RARA: variants seen among roughly 807,000 people sequenced by gnomAD.
RARA encodes the protein PML-DDX5-RARA fusion.
A neutral mutation model predicts 42.8 loss-of-function variants in RARA; 5 were observed. The ratio of observed to expected loss-of-function variants is 0.12; its 90% CI spans 0.06 to 0.25. RARA has a LOEUF of 0.25. Among genes scored for constraint, RARA ranks in the 10% least tolerant of loss-of-function variants. The pLI is 1.00. For synonymous variants in RARA, 256 were observed against 259.5 expected (o/e 0.99, Z 0.13); for missense variants, 402 against 628.7 (o/e 0.64, Z 3.86).
At chr17:40,350,087 GGA>G in intron 4 of RARA, 162 bp downstream of exon 4, 1 of 1,146,928 alleles carries the variant, frequency 8.7e-7, no homozygotes, top group Non-Finnish European at 1.2e-6. Flanking sequence ...GTAGCTGCAA[GGA>G]CCTGTTTGCG....
intron 1 of RARA, among the ~76,000 whole-genome samples, chr17:40,325,880 C>A (rs1277549644): frequency 6.6e-6 from 1 of 152,182 alleles, no homozygotes; most frequent in Admixed American, 6.5e-5. Flanking sequence ...GAGGTTGGGG[C>A]CAGTCCCGGC....
rs1173281539 is a variant in RARA at position 40,352,287 on chromosome 17, G to A, written c.631-44G>A. 1 of 1,555,266 alleles carries A rather than the reference G, an allele frequency of 6.4e-7. No homozygotes were observed. The highest frequency in any genetic ancestry group is 8.7e-7 in the Non-Finnish European group (1 of 1,147,486). ...TGGGGGCTGGAGCCAGGCTGAGAAG[G>A]GGTGCCATGGAGAAGAAGGCCCTCA... On this transcript the variant is annotated intron_variant, in intron 5 of 8. Coordinates refer to ENST00000254066, the MANE Select transcript of RARA (RefSeq NM_000964.4). The surrounding 1 kb of genome is among the most constrained non-coding windows in gnomAD (Gnocchi z 4.9).
Position 40,348,319 on chromosome 17 carries a change from T to C in RARA, c.182T>C (p.Ile61Thr), listed in dbSNP as rs1410890791. Residue 61 changes from isoleucine (I) to threonine (T), a missense_variant, in exon 3 of 9, where the codon ATT becomes ACT. Ile to Thr is a moderately conservative substitution (Grantham distance 89). Around this residue, in one of 5 missense-constraint regions of RARA, gnomAD observed 91 missense variants for 105.2 expected, o/e 0.87. Transcript: ENST00000254066. ...CCCTCCCCTCTTCTCTCTCTAGCCA[T>C]TGAGACCCAGAGCAGCAGTTCTGAA... ...SGYSTPSPAT[I>T]ETQSSSSEEI... 3.1e-6 allele frequency: 5 copies of C among 1,593,372 alleles called. No individual in the cohort carries two copies. The highest frequency in any genetic ancestry group is 1.7e-5 in the Admixed American group (1 of 57,350).
intron 1 of RARA, among the ~76,000 whole-genome samples, chr17:40,330,201 G>A (rs1362505553): frequency 6.6e-6 from 1 of 152,202 alleles, no homozygotes; most frequent in East Asian, 1.9e-4. Flanking sequence ...GGGGGTAGGA[G>A]GCTTCCTGGG....
In RARA at chr17:40,345,296, T is replaced by G. The variant is rs1161679171; in HGVS notation, c.179-3020T>G. On this transcript the variant is annotated intron_variant, in intron 2 of 8. Transcript: ENST00000254066. This position sits in a 1 kb window ranked among gnomAD's most constrained non-coding sequence, Gnocchi z 4.8. ...GTACACCCAGAGCTACCCCCGCCTCTCCCCGGGAGGAGGAAGGACGGTACA... is the reference window on the plus strand; with the variant it reads ...GTACACCCAGAGCTACCCCCGCCTCGCCCCGGGAGGAGGAAGGACGGTACA... 6.5e-6 allele frequency: 1 copy of G among 153,096 alleles called. No individual in the cohort carries two copies. The allele number at this position is 153,096 out of a possible 1,614,324, so 9.5% of individuals were successfully genotyped here. A position where few individuals can be genotyped will look rare whatever the true frequency, so the allele number is the denominator to read the frequency against.
At chr17:40,342,556 G>A (rs1345723162) in intron 2 of RARA, 1 of 1,355,912 alleles carries the variant, frequency 7.4e-7, no homozygotes, top group South Asian at 1.7e-5. Flanking sequence ...GGACTTCAGG[G>A]CAGGGGGCGC....
chr17:40,322,709 G>A (rs765702303), intron 1 of RARA, among the ~76,000 whole-genome samples: 44 of 152,010 alleles, frequency 2.9e-4, no homozygotes, highest in Non-Finnish European at 4.6e-4. Flanking sequence ...CTCCAGTCAC[G>A]GCAGGAAGTG....
chr17:40,336,082 GT>G (rs2033841150), intron 2 of RARA, among the ~76,000 whole-genome samples: 2 of 152,120 alleles, frequency 1.3e-5, no homozygotes, highest in South Asian at 4.1e-4. Flanking sequence ...CTTTTTTGTT[GT>G]TGTTTGTTTT....
intron 6 of RARA, among the ~76,000 whole-genome samples, chr17:40,353,246 T>TCGGTGAGGTGAGCC (rs1555573692): frequency 1.3e-5 from 2 of 151,140 alleles, no homozygotes; most frequent in East Asian, 2.0e-4. Context: ...TGCCGGGCAC[T>TCGGTGAGGTGAGCC]CGGTGAGGTG....
intron 2 of RARA, among the ~76,000 whole-genome samples, chr17:40,344,723 G>C (rs1280443771): frequency 6.6e-6 from 1 of 152,220 alleles, no homozygotes; most frequent in Non-Finnish European, 1.5e-5. Context: ...TAGTCTGAGC[G>C]TGGGTGTGCA....
At chr17:40,336,193 A>G (rs1031011362) in intron 2 of RARA, among the ~76,000 whole-genome samples, 6 of 151,772 alleles carry the variant, frequency 4.0e-5, no homozygotes, top group Non-Finnish European at 5.9e-5. Context: ...TTCTCTTGCC[A>G]CAGCCTCCTG....
intron 1 of RARA, among the ~76,000 whole-genome samples, chr17:40,311,159 C>T (rs1420736203): frequency 1.3e-5 from 2 of 152,040 alleles, no homozygotes; most frequent in Non-Finnish European, 2.9e-5. Flanking sequence ...TTGTCTGGCT[C>T]ACTGGGCAGG....
In RARA at chr17:40,356,660, G is replaced by C. The variant is rs1278365886; in HGVS notation, c.*434G>C. 1.8e-6 allele frequency: 1 copy of C among 540,592 alleles called. No individual in the cohort carries two copies. The highest frequency in any genetic ancestry group is 3.8e-5 in the East Asian group (1 of 25,982). 33.5% of individuals were successfully genotyped at this position (540,592 alleles called of 1,614,324 possible). On this transcript the variant is annotated 3_prime_UTR_variant, in exon 9 of 9. Coordinates refer to ENST00000254066, the MANE Select transcript of RARA (RefSeq NM_000964.4). ...CCCCCTGCCTCGGTTGGTGACAGAG[G>C]GGGTGGGACAGGGGCGGGGGGTTCC...
At chr17:40,343,023 C>G (rs2034128763) in intron 2 of RARA, 2 of 1,392,356 alleles carry the variant, frequency 1.4e-6, no homozygotes, top group Non-Finnish European at 9.4e-7. Flanking sequence ...TTGAACCCTC[C>G]CGGCCGCACC....
At chr17:40,350,715 G>A (rs1347314893) in intron 4 of RARA, among the ~76,000 whole-genome samples, 1 of 151,958 alleles carries the variant, frequency 6.6e-6, no homozygotes, top group Non-Finnish European at 1.5e-5. Flanking sequence ...GAGGGGGCAC[G>A]GGTGAGATGG....
chr17:40,356,329 C>G lies in RARA; in HGVS notation c.*103C>G. On this transcript the variant is annotated 3_prime_UTR_variant, in exon 9 of 9. Transcript: ENST00000254066. Reference sequence around the variant, plus strand: ...CACCAGCCCTGCCCCCACCTGCCCTCCCGGGCAGTACTGGGGACCTTCCCT... The same window carrying G: ...CACCAGCCCTGCCCCCACCTGCCCTGCCGGGCAGTACTGGGGACCTTCCCT... 1 of 1,277,274 alleles carries G rather than the reference C, an allele frequency of 7.8e-7. No individual in the cohort carries two copies. Among genetic ancestry groups the G allele is most frequent in the Non-Finnish European group, 1.1e-6 (1 of 907,518 alleles). 79.1% of individuals were successfully genotyped at this position (1,277,274 alleles called of 1,614,324 possible).
At chr17:40,339,976 G>A (rs1195390879) in intron 2 of RARA, among the ~76,000 whole-genome samples, 1 of 152,106 alleles carries the variant, frequency 6.6e-6, no homozygotes, top group African/African-American at 2.4e-5. Context: ...CATTCCATCT[G>A]TAGCCCTGAC....
At chr17:40,318,847 G>A (rs2143182919) in intron 1 of RARA, among the ~76,000 whole-genome samples, 1 of 152,320 alleles carries the variant, frequency 6.6e-6, no homozygotes, top group East Asian at 1.9e-4. Context: ...TTTCCCTCCT[G>A]TTATCTGAGC....
intron 2 of RARA, chr17:40,341,650 G>T (rs2034048022): frequency 3.0e-6 from 4 of 1,344,748 alleles, no homozygotes; most frequent in Non-Finnish European, 3.8e-6. Flanking sequence ...GCGCCGCCAG[G>T]CGAGTTCAGC....
Sources: allele counts gnomAD v4.1 joint callset (sites outside exome capture counted in the v4.1 genomes callset), GRCh38; gene constraint gnomAD v4.1.1; regional missense constraint gnomAD v4.1.1; non-coding constraint Gnocchi (gnomAD v3.1); transcripts MANE v1.5; gene names NCBI Gene and HGNC (gene_info 2026-07-23, HGNC 2026-07-21).